Variants in CLMN observed in about 807,000 individuals in gnomAD.
CLMN encodes calmin (calponin-like, transmembrane).
CLMN carries 57 observed loss-of-function variants against 92.7 expected under a neutral mutation model. That is an observed-to-expected ratio of 0.61 (90% CI 0.50 to 0.77). CLMN has a LOEUF of 0.77. Ranked by LOEUF, CLMN falls within the 30% of genes least tolerant of loss-of-function variation. CLMN has a pLI of 0.00. For missense variants in CLMN, 1,158 were observed against 1,237.5 expected, an observed-to-expected ratio of 0.94 and a Z score of 0.96; for synonymous variants, 466 against 470.6, an observed-to-expected ratio of 0.99 and a Z score of 0.13.
At chr14:95,238,645 C>T (rs1898138611) in intron 1 of CLMN, among the ~76,000 whole-genome samples, 1 of 152,172 alleles carries the variant, frequency 6.6e-6, no homozygotes, top group Admixed American at 6.5e-5. Flanking sequence ...GCTCCTCCAC[C>T]ACCCCCTGCC....
intron 1 of CLMN, among the ~76,000 whole-genome samples, chr14:95,244,454 A>G (rs1898381683): frequency 6.6e-6 from 1 of 152,186 alleles, no homozygotes; most frequent in South Asian, 2.1e-4. Flanking sequence ...GCTTTGAGAT[A>G]CTGGAAACCT....
chr14:95,311,324 C>T (rs947385996), intron 1 of CLMN, among the ~76,000 whole-genome samples: 2 of 152,070 alleles, frequency 1.3e-5, no homozygotes, highest in East Asian at 3.9e-4. Flanking sequence ...TTATAAATAT[C>T]GCAAAGCCTC....
chr14:95,317,507 G>A (rs1488325712), intron 1 of CLMN, among the ~76,000 whole-genome samples: 1 of 151,830 alleles, frequency 6.6e-6, no homozygotes, highest in African/African-American at 2.4e-5. Flanking sequence ...TCATCAAACA[G>A]CGGGGCATCC....
intron 1 of CLMN, among the ~76,000 whole-genome samples, chr14:95,295,491 G>GT (rs1226828618): frequency 6.6e-6 from 1 of 152,194 alleles, no homozygotes; most frequent in African/African-American, 2.4e-5. Flanking sequence ...GATACGTACG[G>GT]TAAGAGCTGA....
At chr14:95,233,058 G>C (rs758532749) in intron 1 of CLMN, among the ~76,000 whole-genome samples, 33 of 152,190 alleles carry the variant, frequency 2.2e-4, no homozygotes, top group Non-Finnish European at 4.4e-4. Context: ...CCACAAGGCT[G>C]TCCCGGTTTA....
intron 3 of CLMN, chr14:95,222,320 G>A (rs1897570491): frequency 4.2e-6 from 1 of 240,336 alleles, no homozygotes; most frequent in Non-Finnish European, 8.4e-6. Context: ...GAGAGAGAAA[G>A]AGAAAGAAAG....
intron 1 of CLMN, among the ~76,000 whole-genome samples, chr14:95,310,867 C>T (rs1229496609): frequency 6.6e-6 from 1 of 152,212 alleles, no homozygotes; most frequent in Non-Finnish European, 1.5e-5. Context: ...GCAGCTGTGG[C>T]CCAGTTCCTT....
At position 95,189,195 on chromosome 14, in the gene CLMN, C is replaced by A. The variant is rs1279535356; in HGVS notation, c.*2369G>T. 6.6e-6 allele frequency: 1 copy of A among 152,168 alleles called. No homozygotes were observed. The highest frequency in any genetic ancestry group is 1.5e-5 in the Non-Finnish European group (1 of 68,042). The allele number at this position is 152,168 out of a possible 1,614,324, so 9.4% of individuals were successfully genotyped here. ...GGTATGGTAAGAGTGAAATCCTCCTCTACTGTGACAGCAAGCCAGTAGATG... is the reference window on the plus strand; with the variant it reads ...GGTATGGTAAGAGTGAAATCCTCCTATACTGTGACAGCAAGCCAGTAGATG... On this transcript the variant is annotated 3_prime_UTR_variant, in exon 13 of 13. Coordinates refer to ENST00000298912, the MANE Select transcript of CLMN (RefSeq NM_024734.4).
rs139988600 is a variant in CLMN at position 95,190,199 on chromosome 14, T to C, written c.*1365A>G. ...TTTTGGTTTTGCTTGAATGTGGACA[T>C]TTTAATCTAGTCATTTTATCTTTTT... On this transcript the variant is annotated 3_prime_UTR_variant, in exon 13 of 13. Transcript: ENST00000298912. 6.6e-6 allele frequency: 1 copy of C among 152,344 alleles called. No individual in the cohort carries two copies. Among genetic ancestry groups the C allele is most frequent in the African/African-American group, 2.4e-5 (1 of 41,580 alleles). The allele number at this position is 152,344 out of a possible 1,614,324, so 9.4% of individuals were successfully genotyped here. A position where few individuals can be genotyped will look rare whatever the true frequency, so the allele number is the denominator to read the frequency against.
At chr14:95,301,259 G>A (rs1408099554) in intron 1 of CLMN, among the ~76,000 whole-genome samples, 2 of 152,154 alleles carry the variant, frequency 1.3e-5, no homozygotes, top group African/African-American at 4.8e-5. Context: ...CCGAGAGTGG[G>A]GACAGCTCTT....
chr14:95,249,512 G>C lies in CLMN; in HGVS notation c.83-19379C>G, dbSNP rs1018297534. 2.0e-5 allele frequency among the ~76,000 whole-genome samples: 3 copies of C among 152,274 alleles called. No individual in the cohort carries two copies. The East Asian group carries it at 5.8e-4, about 29-fold the overall frequency. On this transcript the variant is annotated intron_variant, in intron 1 of 12. Coordinates refer to ENST00000298912, the MANE Select transcript of CLMN (RefSeq NM_024734.4). ...TCTTGGGAAGCTAATGGGGTGGACCGAGACAGATGCTGCTGGTTGCCTCCC... is the reference window on the plus strand; with the variant it reads ...TCTTGGGAAGCTAATGGGGTGGACCCAGACAGATGCTGCTGGTTGCCTCCC...
chr14:95,239,889 A>G (rs1329394503), intron 1 of CLMN, among the ~76,000 whole-genome samples: 1 of 152,236 alleles, frequency 6.6e-6, no homozygotes, highest in South Asian at 2.1e-4. Context: ...TGGTGTTCCC[A>G]TGGGATTATA....
Position 95,194,537 on chromosome 14 carries a change from G to T in CLMN, c.2768C>A (p.Ser923Ter). The T allele has an allele frequency of 6.2e-7, 1 of 1,614,174 alleles. No homozygotes were observed. The highest frequency in any genetic ancestry group is 8.5e-7 in the Non-Finnish European group (1 of 1,180,030). Residue 923 changes from serine (S) to a stop codon, truncating the protein, a stop_gained and splice_region_variant, in exon 11 of 13, where the codon TCG becomes TAG. Transcript: ENST00000298912. LOFTEE classifies it high-confidence loss of function. The surrounding 1 kb of genome is among the most constrained non-coding windows in gnomAD (Gnocchi z 4.0). ...LRRHTHRSSE[S>*]DHFSYVQLRN... The stretch of plus-strand genomic sequence containing the variant: ...AAGAGAAGAAATTCACATACTAACC[G>T]ATTCCGAAGACCTATGAGTATGTCG...
At chr14:95,248,168 CA>C (rs1216700657) in intron 1 of CLMN, among the ~76,000 whole-genome samples, 1 of 150,744 alleles carries the variant, frequency 6.6e-6, no homozygotes, top group African/African-American at 2.4e-5. Flanking sequence ...GCTTAAGAGA[CA>C]CACCAGCTCG....
chr14:95,245,191 TATAATA>T (rs1227639392), intron 1 of CLMN, among the ~76,000 whole-genome samples: 1 of 38,160 alleles, frequency 2.6e-5, no homozygotes, highest in African/African-American at 1.2e-4. Flanking sequence ...TATATATATA[TATAATA>T]TATATATATA....
At chr14:95,210,981 G>A in intron 6 of CLMN, 102 bp from the exon 7 acceptor site, 2 of 1,262,644 alleles carry the variant, frequency 1.6e-6, no homozygotes, top group East Asian at 2.8e-5. Flanking sequence ...GAGTGGGGCA[G>A]AGCTGCCGAC....
intron 1 of CLMN, among the ~76,000 whole-genome samples, chr14:95,250,320 C>G (rs1898731556): frequency 6.6e-6 from 1 of 152,244 alleles, no homozygotes; most frequent in African/African-American, 2.4e-5. Flanking sequence ...GCTTACTCAA[C>G]CATATCCCAA....
rs570108236 is a variant in CLMN at position 95,210,699 on chromosome 14, G to A, written c.789C>T (p.Leu263=). The stretch of plus-strand genomic sequence containing the variant: ...AACCACTGCTACCTTCTGGCTCCAG[G>A]AGCCTGGGGATGTGCAGGGCATCCT... ...IAQDALHIPR[L]LEPEDIMVDT... Residue 263 remains leucine, a synonymous_variant, in exon 7 of 13, where the codon CTC becomes CTT. Transcript: ENST00000298912. 4 of 1,604,918 alleles carry A rather than the reference G, an allele frequency of 2.5e-6. No individual in the cohort carries two copies. In the East Asian group the frequency reaches 6.8e-5, roughly 27 times the overall value.
At chr14:95,254,399 A>G (rs1177864747) in intron 1 of CLMN, among the ~76,000 whole-genome samples, 1 of 152,160 alleles carries the variant, frequency 6.6e-6, no homozygotes, top group Non-Finnish European at 1.5e-5. Context: ...CTGATGTACA[A>G]TTTCATTCCT....
Sources: gnomAD v4.1 joint callset for allele counts (sites outside exome capture counted in the v4.1 genomes callset) on GRCh38, gnomAD v4.1.1 for gene constraint, Gnocchi (gnomAD v3.1) non-coding constraint, MANE v1.5 for transcripts, NCBI Gene and HGNC (gene_info 2026-07-23, HGNC 2026-07-21) for gene names.